The following PCDHA13 variants were observed in gnomAD, a reference collection of about 807,000 sequenced individuals.
PCDHA13 encodes protocadherin alpha-13.
A neutral mutation model predicts 64.8 loss-of-function variants in PCDHA13; 54 were observed. The ratio of observed to expected loss-of-function variants is 0.83; its 90% CI spans 0.67 to 1.04. The LOEUF is 1.04. PCDHA13 is among the 50% of genes least tolerant of loss of function. The pLI, the probability that PCDHA13 is intolerant of heterozygous loss-of-function variation, is 0.00. For missense variants in PCDHA13, 1,248 were observed against 1,254.3 expected (o/e 0.99, Z 0.08); for synonymous variants, 587 against 564.4 (o/e 1.04, Z -0.57).
At chr5:140,906,022 C>T (rs782487413) in intron 1 of PCDHA13, among the ~76,000 whole-genome samples, 9 of 152,192 alleles carry the variant, frequency 5.9e-5, no homozygotes, top group African/African-American at 1.2e-4. Context: ...AATCTCTCCA[C>T]GTTCTTCTGT....
chr5:140,956,644 C>G (rs2095298403), intron 1 of PCDHA13, among the ~76,000 whole-genome samples: 1 of 152,096 alleles, frequency 6.6e-6, no homozygotes, highest in Non-Finnish European at 1.5e-5. Flanking sequence ...GTTTTGGTAT[C>G]AGGATGATGC....
At chr5:140,897,154 T>C (rs530327361) in intron 1 of PCDHA13, among the ~76,000 whole-genome samples, 1 of 152,332 alleles carries the variant, frequency 6.6e-6, no homozygotes, top group African/African-American at 2.4e-5. Context: ...TTAACCATTC[T>C]TCTACTGTCT....
chr5:140,889,662 C>T (rs1397086074), intron 1 of PCDHA13, among the ~76,000 whole-genome samples: 1 of 151,946 alleles, frequency 6.6e-6, no homozygotes, highest in Admixed American at 6.6e-5. Context: ...GTCCTCTTCC[C>T]AGCCTTTTAT....
intron 1 of PCDHA13, among the ~76,000 whole-genome samples, chr5:140,971,471 G>A (rs1274091500): frequency 1.3e-5 from 2 of 152,172 alleles, no homozygotes; most frequent in African/African-American, 4.8e-5. Context: ...TATAGGGAGA[G>A]AGTGTCACAT....
chr5:140,896,764 G>C (rs2153454405), intron 1 of PCDHA13, among the ~76,000 whole-genome samples: 1 of 152,136 alleles, frequency 6.6e-6, no homozygotes, highest in East Asian at 1.9e-4. Context: ...GACCTTTGTT[G>C]GATGCATAGT....
At chr5:140,983,293 A>C (rs2097040232) in intron 3 of PCDHA13, among the ~76,000 whole-genome samples, 1 of 152,240 alleles carries the variant, frequency 6.6e-6, no homozygotes, top group African/African-American at 2.4e-5. Context: ...AAAATTGCTT[A>C]AACTCACATT....
At chr5:140,896,087 A>T (rs2065366348) in intron 1 of PCDHA13, among the ~76,000 whole-genome samples, 1 of 152,218 alleles carries the variant, frequency 6.6e-6, no homozygotes, top group East Asian at 1.9e-4. Flanking sequence ...CTGGGATTAC[A>T]GGCGTGAGCC....
chr5:140,925,782 A>T (rs567008166), intron 1 of PCDHA13, among the ~76,000 whole-genome samples: 10 of 152,174 alleles, frequency 6.6e-5, no homozygotes, highest in Admixed American at 4.6e-4. Context: ...AACTCTAATG[A>T]GTATCTCAGT....
At chr5:140,898,965 G>A (rs2067069000) in intron 1 of PCDHA13, among the ~76,000 whole-genome samples, 1 of 152,044 alleles carries the variant, frequency 6.6e-6, no homozygotes, top group Non-Finnish European at 1.5e-5. Flanking sequence ...GTGAATGGGA[G>A]TTCACTCATG....
intron 1 of PCDHA13, among the ~76,000 whole-genome samples, chr5:140,936,658 G>A (rs1385566642): frequency 6.6e-6 from 1 of 152,174 alleles, no homozygotes; most frequent in Non-Finnish European, 1.5e-5. Context: ...TATATATTCT[G>A]TTTCTGGACT....
chr5:140,893,689 A>T (rs999117899), intron 1 of PCDHA13, among the ~76,000 whole-genome samples: 1 of 152,192 alleles, frequency 6.6e-6, no homozygotes, highest in Admixed American at 6.5e-5. Flanking sequence ...ATATCATCTC[A>T]TTCTATCCTA....
At chr5:140,886,501 T>C (rs1171128056) in intron 1 of PCDHA13, among the ~76,000 whole-genome samples, 1 of 152,108 alleles carries the variant, frequency 6.6e-6, no homozygotes, top group Non-Finnish European at 1.5e-5. Flanking sequence ...TCTTTTTCCT[T>C]TTATGGATTT....
At position 140,968,504 on chromosome 5, in the gene PCDHA13, C is replaced by T. The variant is rs147528189; in HGVS notation, c.2395-10445C>T. 58 of 1,614,064 alleles carry T rather than the reference C, an allele frequency of 3.6e-5. No individual in the cohort carries two copies. In the African/African-American group the frequency reaches 6.7e-4, roughly 19 times the overall value. ...CATGAATGACCATGCCCCTCACATT[C>T]TGTACCCTACCTCAACCAACTCGTC... On this transcript the variant is annotated intron_variant, in intron 1 of 3. Transcript: ENST00000289272.
At chr5:140,903,427 A>G (rs1030133179) in intron 1 of PCDHA13, among the ~76,000 whole-genome samples, 9 of 152,208 alleles carry the variant, frequency 5.9e-5, no homozygotes, top group African/African-American at 1.9e-4. Context: ...TCAGCACAAT[A>G]TGTATCAGTG....
At chr5:140,989,802 G>C (rs2153885493) in intron 3 of PCDHA13, among the ~76,000 whole-genome samples, 2 of 152,336 alleles carry the variant, frequency 1.3e-5, no homozygotes, top group South Asian at 4.1e-4. Flanking sequence ...CCAGGAAAGG[G>C]CCATAAGATT....
At chr5:140,906,416 T>A (rs2072639287) in intron 1 of PCDHA13, among the ~76,000 whole-genome samples, 1 of 152,190 alleles carries the variant, frequency 6.6e-6, no homozygotes, top group African/African-American at 2.4e-5. Flanking sequence ...AGTCAATAAA[T>A]CTTATGTCAC....
chr5:140,937,259 G>T (rs1306999153), intron 1 of PCDHA13, among the ~76,000 whole-genome samples: 1 of 151,852 alleles, frequency 6.6e-6, no homozygotes, highest in African/African-American at 2.4e-5. Context: ...GGATGGTCTC[G>T]ATCTCCTGAC....
Position 140,882,765 on chromosome 5 carries a change from CGG to C in PCDHA13, c.498_499del (p.Ala167IlefsTer20). The C allele has an allele frequency of 6.2e-7, 1 of 1,614,222 alleles. No individual in the cohort carries two copies. Among genetic ancestry groups the C allele is most frequent in the Non-Finnish European group, 8.5e-7 (1 of 1,180,048 alleles). On this transcript the variant is annotated frameshift_variant, in exon 1 of 4. Transcript: ENST00000289272. LOFTEE classifies it high-confidence loss of function. ...TCCGATGCAGATATTGGAGTAAACT[CGG>C]CATTGACCTACCGACTGGATCCCAA... is the stretch of plus-strand genomic sequence containing the variant.
At chr5:140,914,578 A>T (rs1858296) in intron 1 of PCDHA13, among the ~76,000 whole-genome samples, 49,681 of 151,930 alleles carry the variant, frequency 0.33, 8,403 homozygotes, top group East Asian at 0.53. Flanking sequence ...ACATTCAATA[A>T]TTTCATTTAA....
Sources: allele counts gnomAD v4.1 joint callset (sites outside exome capture counted in the v4.1 genomes callset), GRCh38; gene constraint gnomAD v4.1.1; transcripts MANE v1.5; gene names NCBI Gene and HGNC (gene_info 2026-07-23, HGNC 2026-07-21).